DPH6: variants seen among roughly 807,000 people sequenced by gnomAD.
The protein encoded by DPH6 is diphthine--ammonia ligase.
Under a neutral mutation model 38.2 loss-of-function variants are expected in DPH6, and 33 were observed. The observed-to-expected ratio is 0.86, with a 90% CI of 0.65 to 1.15. The LOEUF (loss-of-function observed/expected upper bound fraction) is 1.15. Among genes scored for constraint, DPH6 ranks in the 50% most tolerant of loss-of-function variants. The pLI is 0.00. For missense variants in DPH6, 325 were observed against 320.0 expected (o/e 1.02, Z -0.12); for synonymous variants, 108 against 103.0 (o/e 1.05, Z -0.30).
At chr15:35,491,384 A>G (rs774363248) in intron 3 of DPH6, among the ~76,000 whole-genome samples, 8 of 152,122 alleles carry the variant, frequency 5.3e-5, no homozygotes, top group Admixed American at 1.3e-4. Context: ...ATTTTCTACA[A>G]TGGAGACTGT....
chr15:35,214,438 C>G (rs1042329960), downstream of DPH6, among the ~76,000 whole-genome samples: 1 of 152,064 alleles, frequency 6.6e-6, no homozygotes, highest in Non-Finnish European at 1.5e-5. Flanking sequence ...TTGCTCAGGC[C>G]CAAAACCTTG....
At chr15:35,433,308 A>G (rs556245539) in intron 5 of DPH6, among the ~76,000 whole-genome samples, 1 of 152,220 alleles carries the variant, frequency 6.6e-6, no homozygotes, top group Non-Finnish European at 1.5e-5. Context: ...CAAGGATACA[A>G]ACTTGCTTTC....
chr15:35,546,056 C>A (rs2055347665), intron 1 of DPH6, 63 bp downstream of exon 1: 2 of 1,297,536 alleles, frequency 1.5e-6, no homozygotes, highest in Middle Eastern at 2.0e-4. Context: ...TCGGCGCTAG[C>A]GGCGGCTGGA....
the DPH6 span, among the ~76,000 whole-genome samples, chr15:35,179,204 CAA>C: frequency 4.0e-5 from 2 of 50,592 alleles, no homozygotes; most frequent in African/African-American, 7.9e-5. Context: ...ACAACTCTGT[CAA>C]AAAAAAAAAA....
chr15:35,496,567 A>AAAAAAAAAAAAAAAAAAAAAAAAATATAG, intron 3 of DPH6, among the ~76,000 whole-genome samples: 1 of 31,016 alleles, frequency 3.2e-5, no homozygotes, highest in East Asian at 3.0e-3. Context: ...AAAAAAAAAA[A>AAAAAAAAAAAAAAAAAAAAAAAAATATAG]ATATATATAT....
At chr15:35,317,589 A>C (rs2052203385) in intron 3 of DPH6, among the ~76,000 whole-genome samples, 4 of 130,184 alleles carry the variant, frequency 3.1e-5, no homozygotes, top group African/African-American at 1.5e-4. Flanking sequence ...GTTCTGCTGG[A>C]CAAAAAAAAA....
intron 5 of DPH6, among the ~76,000 whole-genome samples, chr15:35,417,120 ATACT>A (rs1312426631): frequency 4.6e-5 from 7 of 152,204 alleles, no homozygotes; most frequent in Non-Finnish European, 7.4e-5. Flanking sequence ...TAAAGATTGA[ATACT>A]TAATTTTCTT....
intron 3 of DPH6, among the ~76,000 whole-genome samples, chr15:35,349,462 T>A (rs562916176): frequency 6.6e-6 from 1 of 152,206 alleles, no homozygotes; most frequent in East Asian, 1.9e-4. Flanking sequence ...TGAGACAAGG[T>A]CTCCCCCTCT....
At chr15:35,167,645 T>C in the DPH6 span, among the ~76,000 whole-genome samples, 1 of 151,170 alleles carries the variant, frequency 6.6e-6, no homozygotes, top group Non-Finnish European at 1.5e-5. Flanking sequence ...TCGCAATGCC[T>C]AAGGTTAGAC....
At chr15:35,201,490 T>G in the DPH6 span, among the ~76,000 whole-genome samples, 1 of 151,908 alleles carries the variant, frequency 6.6e-6, no homozygotes, top group Admixed American at 6.6e-5. Context: ...AAAAAGTTAT[T>G]TCACGTTTTT....
chr15:35,260,172 A>G (rs1251585132), intron 3 of DPH6, among the ~76,000 whole-genome samples: 3 of 152,232 alleles, frequency 2.0e-5, no homozygotes, highest in South Asian at 2.1e-4. Flanking sequence ...GCAGTGGCAC[A>G]ATCTCAGCTC....
chr15:35,310,983 CG>C, intron 3 of DPH6, among the ~76,000 whole-genome samples: 1 of 151,628 alleles, frequency 6.6e-6, no homozygotes, highest in South Asian at 2.1e-4. Flanking sequence ...CGCTTGAACC[CG>C]GGAGGAGGAG....
chr15:35,191,760 GA>G, the DPH6 span, among the ~76,000 whole-genome samples: 9 of 151,814 alleles, frequency 5.9e-5, no homozygotes, highest in Non-Finnish European at 1.2e-4. Flanking sequence ...TCAGACAATT[GA>G]CTGAAACTCA....
At position 35,237,778 on chromosome 15, in the gene DPH6, C is replaced by T. The variant is rs539301502; in HGVS notation, n.201-17196G>A. On this transcript the variant is annotated intron_variant and non_coding_transcript_variant, in intron 3 of 3. Coordinates refer to the DPH6 transcript ENST00000560386. ...CATATCTTGACGGCTATGACCGGGA[C>T]GACAAGGAGGCCCCTAACTTGGATG... 2,581 of 1,606,506 alleles carry T rather than the reference C, an allele frequency of 1.6e-3. 6 individuals carry two copies. The highest frequency in any genetic ancestry group is 2.5e-3 in the South Asian group (225 of 90,856).
chr15:35,194,383 G>A, the DPH6 span, among the ~76,000 whole-genome samples: 1 of 152,038 alleles, frequency 6.6e-6, no homozygotes, highest in Non-Finnish European at 1.5e-5. Context: ...GAGAGAGAGA[G>A]AGAGAGAGAG....
intron 3 of DPH6, among the ~76,000 whole-genome samples, chr15:35,242,458 C>T (rs2051607419): frequency 7.0e-6 from 1 of 143,174 alleles, no homozygotes; most frequent in African/African-American, 2.5e-5. Flanking sequence ...AGAGGCCTTT[C>T]CTACAAGGTC....
intron 3 of DPH6, among the ~76,000 whole-genome samples, chr15:35,355,621 T>C (rs1225714051): frequency 6.6e-6 from 1 of 152,250 alleles, no homozygotes; most frequent in Non-Finnish European, 1.5e-5. Flanking sequence ...GCCCCCACTC[T>C]CTTCTGGCTT....
downstream of DPH6, among the ~76,000 whole-genome samples, chr15:35,366,387 T>C (rs2052660732): frequency 6.6e-6 from 1 of 151,926 alleles, no homozygotes; most frequent in African/African-American, 2.4e-5. Context: ...AAGGGCCCTA[T>C]TGTCTCTTTC....
At chr15:35,295,730 T>C (rs1357278472) in intron 3 of DPH6, among the ~76,000 whole-genome samples, 3 of 152,178 alleles carry the variant, frequency 2.0e-5, no homozygotes, top group African/African-American at 4.8e-5. Context: ...TTAGTAATCA[T>C]AAAAATCAAT....
Sources: gnomAD v4.1 joint callset for allele counts (sites outside exome capture counted in the v4.1 genomes callset) on GRCh38, gnomAD v4.1.1 for gene constraint, MANE v1.5 for transcripts, NCBI Gene and HGNC (gene_info 2026-07-23, HGNC 2026-07-21) for gene names.